MYO10: variants seen among roughly 807,000 people sequenced by gnomAD.
MYO10 encodes myosin X.
A neutral mutation model predicts 257.3 loss-of-function variants in MYO10; 133 were observed. The ratio of observed to expected loss-of-function variants is 0.52; its 90% CI spans 0.45 to 0.60. The LOEUF is 0.60. Ranked by LOEUF, MYO10 falls within the 20% of genes least tolerant of loss-of-function variation. The pLI is 0.00. For missense variants in MYO10, 2,399 were observed against 2,635.7 expected (o/e 0.91, Z 1.97); for synonymous variants, 1,104 against 1,028.6 (o/e 1.07, Z -1.40).
intron 19 of MYO10, among the ~76,000 whole-genome samples, chr5:16,718,208 T>C (rs1324994982): frequency 6.6e-6 from 1 of 152,208 alleles, no homozygotes; most frequent in Non-Finnish European, 1.5e-5. Context: ...GCTCGGGACC[T>C]GCAGCCCGCC....
At chr5:16,874,053 G>T (rs537041149) in intron 2 of MYO10, among the ~76,000 whole-genome samples, 1 of 152,074 alleles carries the variant, frequency 6.6e-6, no homozygotes, top group Non-Finnish European at 1.5e-5. Context: ...TGGGATTTTC[G>T]ACTGGGCATG....
Position 16,719,531 on chromosome 5 carries a change from A to C in MYO10, c.1930-8286T>G, listed in dbSNP as rs549173507. ...TGTGACAACTCCTTGGGTGCTTCTG[A>C]ATACATGTTATAATTTATTTCTAGA... On this transcript the variant is annotated intron_variant, in intron 19 of 40. Transcript: ENST00000513610. 2.0e-5 allele frequency among the ~76,000 whole-genome samples: 3 copies of C among 152,364 alleles called. No homozygotes were observed. In the East Asian group the frequency reaches 5.8e-4, roughly 29 times the overall value.
chr5:16,679,862 C>T, intron 33 of MYO10, 85 bp downstream of exon 33: 1 of 1,487,690 alleles, frequency 6.7e-7, no homozygotes, highest in East Asian at 2.4e-5. Flanking sequence ...AAAAACTGAG[C>T]TTCACTAATG....
intron 9 of MYO10, among the ~76,000 whole-genome samples, chr5:16,769,744 AGTGTCC>A (rs1740989174): frequency 1.3e-5 from 2 of 152,236 alleles, no homozygotes; most frequent in Admixed American, 6.5e-5. Context: ...AAATAAACAT[AGTGTCC>A]CCCTTACATA....
chr5:16,725,332 G>A (rs1204814856), intron 19 of MYO10, among the ~76,000 whole-genome samples: 1 of 151,966 alleles, frequency 6.6e-6, no homozygotes, highest in African/African-American at 2.4e-5. Flanking sequence ...CTGACCTTGT[G>A]ATCTGCCTGC....
chr5:16,768,664 CTTTTT>C (rs34950225), intron 10 of MYO10, among the ~76,000 whole-genome samples: 10 of 70,140 alleles, frequency 1.4e-4, no homozygotes, highest in East Asian at 5.3e-4. Context: ...TTTCTCTTTT[CTTTTT>C]TTTTTTTTTT....
At chr5:16,796,271 G>A (rs1159817099) in intron 3 of MYO10, among the ~76,000 whole-genome samples, 3 of 145,574 alleles carry the variant, frequency 2.1e-5, no homozygotes, top group Admixed American at 1.4e-4. Context: ...GAGAAAGAAA[G>A]AAGGAAAGAA....
chr5:16,782,140 A>C (rs1741442940), intron 5 of MYO10, among the ~76,000 whole-genome samples: 1 of 152,168 alleles, frequency 6.6e-6, no homozygotes, highest in Non-Finnish European at 1.5e-5. Flanking sequence ...CTGCACAGAA[A>C]AAGCCCACCC....
intron 17 of MYO10, 51 bp from the exon 18 acceptor site, chr5:16,758,277 G>A (rs1348843521): frequency 8.0e-6 from 10 of 1,253,654 alleles, no homozygotes; most frequent in Non-Finnish European, 1.2e-5. Context: ...CCCATTATTA[G>A]GTGCAAGATT....
chr5:16,873,349 G>A (rs188291625), intron 2 of MYO10, among the ~76,000 whole-genome samples: 154 of 152,314 alleles, frequency 1.0e-3, no homozygotes, highest in Non-Finnish European at 7.4e-4. Context: ...GGTTCCCATG[G>A]TCTTGGGTAG....
In MYO10 at chr5:16,676,111, C is replaced by T. The variant is rs564922176; in HGVS notation, c.4586G>A (p.Arg1529Gln). ...NSDVVEQIYK[R>Q]NPILRYTHHP... ...ATGGGTGTATCGAAGGATCGGGTTCCGCTTGTAAATCTGTTCCACCACATC... is the reference window on the plus strand; with the variant it reads ...ATGGGTGTATCGAAGGATCGGGTTCTGCTTGTAAATCTGTTCCACCACATC... The change falls in exon 34 of 41, where the codon CGG becomes CAG. Residue 1529 changes from arginine (R) to glutamine (Q), a missense_variant. This residue lies in a region of MYO10 where 1,820 missense variants were observed against 1,939.4 expected (regional missense o/e 0.94). Coordinates refer to ENST00000513610, the MANE Select transcript of MYO10 (RefSeq NM_012334.3). The T allele has an allele frequency of 3.7e-6, 6 of 1,613,112 alleles. No homozygotes were observed. Among genetic ancestry groups the T allele is most frequent in the South Asian group, 2.2e-5 (2 of 90,970 alleles).
chr5:16,789,055 A>G (rs1741676698), intron 4 of MYO10, among the ~76,000 whole-genome samples: 1 of 152,184 alleles, frequency 6.6e-6, no homozygotes, highest in African/African-American at 2.4e-5. Flanking sequence ...AGGACACGCT[A>G]GCCTCCCAGC....
intron 1 of MYO10, among the ~76,000 whole-genome samples, chr5:16,923,504 G>A (rs1021405446): frequency 2.0e-5 from 3 of 151,256 alleles, no homozygotes; most frequent in African/African-American, 4.9e-5. Context: ...AGCCAGGATG[G>A]TCTCGATCTC....
chr5:16,672,797 G>C lies in MYO10; in HGVS notation c.5201C>G (p.Ala1734Gly). The change falls in exon 37 of 41, where the codon GCC (alanine) becomes GGC (glycine). Residue 1734 changes from alanine to glycine, a missense_variant. By Grantham distance (60) the Ala-to-Gly change is moderately conservative (BLOSUM62 0). Around this residue, in one of 3 missense-constraint regions of MYO10, gnomAD observed 1,820 missense variants for 1,939.4 expected, o/e 0.94. Transcript: ENST00000513610. ...AAACATGTTCCTGCTGTCCTCCATGGCCAGGCCTCGGATCAGCTTCTCCAC... is the reference window on the plus strand; with the variant it reads ...AAACATGTTCCTGCTGTCCTCCATGCCCAGGCCTCGGATCAGCTTCTCCAC... ...EVVEKLIRGL[A>G]MEDSRNMFAL... 6.2e-7 allele frequency: 1 copy of C among 1,613,652 alleles called. No homozygotes were observed.
At position 16,681,933 on chromosome 5, in the gene MYO10, A is replaced by G. The variant is rs748183258; in HGVS notation, c.4127T>C (p.Ile1376Thr). The change falls in exon 31 of 41, where the codon ATA (isoleucine) becomes ACA (threonine). Residue 1376 changes from isoleucine (I) to threonine (T), a missense_variant. By Grantham distance (89) the Ile-to-Thr change is moderately conservative. Coordinates refer to ENST00000513610, the MANE Select transcript of MYO10 (RefSeq NM_012334.3). Reference protein sequence around the residue: ...ADTPEEMHHWITLLQRSKGDT... With the variant: ...ADTPEEMHHWTTLLQRSKGDT... Reference sequence around the variant, plus strand: ...CCCTTTGGACCTCTGCAGCAGGGTTATCCAGTGGTGCATCTCCTCCGGCGT... The same window carrying G: ...CCCTTTGGACCTCTGCAGCAGGGTTGTCCAGTGGTGCATCTCCTCCGGCGT... 6.2e-7 allele frequency: 1 copy of G among 1,613,990 alleles called. No individual in the cohort carries two copies. The highest frequency in any genetic ancestry group is 1.1e-5 in the South Asian group (1 of 91,086).
At chr5:16,840,434 AATGAATGAAT>A (rs1561012415) in intron 2 of MYO10, among the ~76,000 whole-genome samples, 43 of 112,664 alleles carry the variant, frequency 3.8e-4, no homozygotes, top group Non-Finnish European at 6.2e-4. Flanking sequence ...TGAATGAATG[AATGAATGAAT>A]GAAAGAAAGA....
At chr5:16,801,137 CA>C (rs1247917819) in intron 3 of MYO10, among the ~76,000 whole-genome samples, 2 of 152,126 alleles carry the variant, frequency 1.3e-5, no homozygotes, top group Non-Finnish European at 1.5e-5. Flanking sequence ...AAAAAATGGT[CA>C]GGACCCTTTC....
intron 4 of MYO10, among the ~76,000 whole-genome samples, chr5:16,790,501 G>T (rs1454076156): frequency 1.3e-5 from 2 of 152,122 alleles, no homozygotes; most frequent in Non-Finnish European, 2.9e-5. Flanking sequence ...TCATGAGGGT[G>T]GTTTCCCCAT....
intron 28 of MYO10, among the ~76,000 whole-genome samples, chr5:16,687,335 T>C (rs1306531376): frequency 1.3e-5 from 2 of 150,198 alleles, no homozygotes; most frequent in East Asian, 2.0e-4. Context: ...AAAAAACAAA[T>C]ACAAAACGAA....
Sources: allele counts gnomAD v4.1 joint callset (sites outside exome capture counted in the v4.1 genomes callset), GRCh38; gene constraint gnomAD v4.1.1; regional missense constraint gnomAD v4.1.1; transcripts MANE v1.5; gene names NCBI Gene and HGNC (gene_info 2026-07-23, HGNC 2026-07-21).